Variants in DAP3 observed in about 807,000 individuals in gnomAD.
DAP3 encodes the protein death associated protein 3.
A neutral mutation model predicts 51.9 loss-of-function variants in DAP3; 28 were observed. The observed-to-expected ratio is 0.54, with a 90% CI of 0.40 to 0.74. The LOEUF (loss-of-function observed/expected upper bound fraction) is 0.74, where lower values mean the gene tolerates loss of function less well. Ranked by LOEUF, DAP3 falls within the 30% of genes least tolerant of loss-of-function variation. DAP3 has a pLI of 0.00. For synonymous variants in DAP3, 170 were observed against 170.3 expected, an observed-to-expected ratio of 1.00 and a Z score of 0.01; for missense variants, 458 against 483.5, an observed-to-expected ratio of 0.95 and a Z score of 0.49.
chr1:155,721,510 T>C lies in DAP3; in HGVS notation c.169-7T>C, dbSNP rs1426911534. The stretch of plus-strand genomic sequence containing the variant: ...CCATTATACCTGTTTGCACTCTTAT[T>C]TCCTAGGCCAAGCATGGGGATCAGC... On this transcript the variant is annotated splice_polypyrimidine_tract_variant and splice_region_variant and intron_variant, in intron 3 of 12. Transcript: ENST00000368336. 1 of 1,613,556 alleles carries C rather than the reference T, an allele frequency of 6.2e-7. No individual in the cohort carries two copies. The highest frequency in any genetic ancestry group is 1.7e-5 in the Admixed American group (1 of 59,904).
chr1:155,722,747 A>T (rs1658149347), intron 4 of DAP3, among the ~76,000 whole-genome samples: 1 of 152,186 alleles, frequency 6.6e-6, no homozygotes, highest in African/African-American at 2.4e-5. Flanking sequence ...GCAGTGAGCT[A>T]CGATAGTGCC....
chr1:155,688,150 G>T (rs1259587390), upstream of DAP3: 1 of 1,613,808 alleles, frequency 6.2e-7, no homozygotes, highest in Non-Finnish European at 8.5e-7. Context: ...GCTTCCCTGG[G>T]TCCACCGCGG....
chr1:155,726,082 T>A, intron 6 of DAP3, 63 bp downstream of exon 6: 1 of 1,345,734 alleles, frequency 7.4e-7, no homozygotes. Flanking sequence ...TGTGGTAGCC[T>A]TGCAGCTTTA....
chr1:155,714,033 A>G (rs145948880), intron 2 of DAP3, among the ~76,000 whole-genome samples: 24 of 152,314 alleles, frequency 1.6e-4, no homozygotes, highest in African/African-American at 5.5e-4. Flanking sequence ...GGCTTGATGA[A>G]TGGGAAAGAT....
intron 11 of DAP3, 28 bp downstream of exon 11, chr1:155,732,061 C>G (rs1247620631): frequency 6.4e-7 from 1 of 1,573,016 alleles, no homozygotes; most frequent in African/African-American, 1.4e-5. Flanking sequence ...TTTGTTTCTA[C>G]TTAGATTGTT....
chr1:155,727,629 G>T lies in DAP3; in HGVS notation c.494G>T (p.Cys165Phe). ...AAAGCTCATCTTTGGGTGAAAAATT[G>T]TCGGGATCTTCTGCAGTCCAGCTAC... Reference protein sequence around the residue: ...IPDAHLWVKNCRDLLQSSYNK... With the variant: ...IPDAHLWVKNFRDLLQSSYNK... The change falls in exon 7 of 13, where the codon TGT (cysteine) becomes TTT (phenylalanine). Residue 165 changes from cysteine to phenylalanine, a missense_variant. By Grantham distance (205) the Cys-to-Phe change is radical (BLOSUM62 -2). Coordinates refer to ENST00000368336, the MANE Select transcript of DAP3 (RefSeq NM_004632.4). The T allele has an allele frequency of 6.2e-7, 1 of 1,612,504 alleles. No homozygotes were observed. Among genetic ancestry groups the T allele is most frequent in the Non-Finnish European group, 8.5e-7 (1 of 1,179,306 alleles).
intron 2 of DAP3, among the ~76,000 whole-genome samples, chr1:155,710,802 G>A (rs1656600357): frequency 1.3e-5 from 2 of 152,226 alleles, no homozygotes; most frequent in South Asian, 4.1e-4. Context: ...TTCAAAGCCT[G>A]TGGCCTAACC....
At chr1:155,699,857 C>T (rs985122656) in intron 1 of DAP3, among the ~76,000 whole-genome samples, 8 of 152,174 alleles carry the variant, frequency 5.3e-5, no homozygotes, top group Admixed American at 5.2e-4. Flanking sequence ...ATTAAGCAGT[C>T]CTCCCGTCTC....
At chr1:155,704,816 C>CT in intron 1 of DAP3, among the ~76,000 whole-genome samples, 1 of 152,000 alleles carries the variant, frequency 6.6e-6, no homozygotes, top group Non-Finnish European at 1.5e-5. Context: ...CCTGTATCTA[C>CT]TAAAAATACA....
chr1:155,709,884 T>A (rs1188618796), intron 2 of DAP3, 60 bp downstream of exon 2: 2 of 1,520,228 alleles, frequency 1.3e-6, no homozygotes, highest in Non-Finnish European at 1.8e-6. Flanking sequence ...CAGATTCTTG[T>A]TTTCAGATGG....
At chr1:155,721,724 C>T in intron 4 of DAP3, 106 bp downstream of exon 4, 4 of 1,089,514 alleles carry the variant, frequency 3.7e-6, no homozygotes, top group South Asian at 2.8e-5. Context: ...GAAATTTAAT[C>T]TGAAAAACAG....
At chr1:155,725,881 C>A in intron 5 of DAP3, 46 bp from the exon 6 acceptor site, 1 of 1,569,536 alleles carries the variant, frequency 6.4e-7, no homozygotes, top group Non-Finnish European at 8.8e-7. Flanking sequence ...TGTTCACATA[C>A]AAGTGATCCT....
intron 2 of DAP3, among the ~76,000 whole-genome samples, chr1:155,715,603 A>G (rs1657242663): frequency 2.0e-5 from 3 of 152,196 alleles, no homozygotes; most frequent in African/African-American, 7.2e-5. Context: ...TAACCTATTT[A>G]TTAAGCAACT....
chr1:155,718,859 T>A (rs1349402073), intron 3 of DAP3, among the ~76,000 whole-genome samples: 1 of 152,202 alleles, frequency 6.6e-6, no homozygotes, highest in African/African-American at 2.4e-5. Flanking sequence ...GCTTTCTTTG[T>A]AATTGCAGTC....
chr1:155,688,366 A>C (rs1652967800), upstream of DAP3: 1 of 1,547,038 alleles, frequency 6.5e-7, no homozygotes, highest in Admixed American at 2.0e-5. Flanking sequence ...GCTCCTCCAG[A>C]GGGAGGGAGC....
intron 7 of DAP3, 63 bp from the exon 8 acceptor site, chr1:155,728,979 A>T (rs1034113965): frequency 6.5e-7 from 1 of 1,537,172 alleles, no homozygotes; most frequent in South Asian, 1.2e-5. Context: ...TTTTCAAGGG[A>T]TGGTTTCACC....
rs574435866 is a variant in DAP3, at chr1:155,734,145, C to T, written c.993+2112C>T. Among the ~76,000 whole-genome samples the T allele has an allele frequency of 1.6e-4, 25 of 152,152 alleles. No individual in the cohort carries two copies. In the South Asian group the frequency reaches 5.0e-3, roughly 30 times the overall value. ...GTACTCCAGCCTGGGCAATAGAGTG[C>T]GGCCCTATCTCAACAGGAAAAAAAG... On this transcript the variant is annotated intron_variant, in intron 11 of 12. Transcript: ENST00000368336.
upstream of DAP3, chr1:155,688,692 CCTCTT>C: frequency 2.6e-6 from 4 of 1,525,252 alleles, no homozygotes; most frequent in East Asian, 7.3e-5. Context: ...TTCTCCACCT[CCTCTT>C]CTCTCCTCCC....
intron 7 of DAP3, 141 bp downstream of exon 7, chr1:155,727,879 C>T (rs1482826033): frequency 1.9e-5 from 19 of 1,019,764 alleles, no homozygotes; most frequent in Admixed American, 3.4e-5. Context: ...GTTTTGCTCA[C>T]AGTGGACTCA....
Sources: gnomAD v4.1 joint callset for allele counts (sites outside exome capture counted in the v4.1 genomes callset) on GRCh38, gnomAD v4.1.1 for gene constraint, MANE v1.5 for transcripts, NCBI Gene and HGNC (gene_info 2026-07-23, HGNC 2026-07-21) for gene names.